KIAA0586: variants seen among roughly 807,000 people sequenced by gnomAD.
The protein encoded by KIAA0586 is protein TALPID3.
In KIAA0586, 144 loss-of-function variants were observed where a neutral mutation model predicts 169.8. The observed-to-expected ratio is 0.85, with a 90% CI of 0.74 to 0.97. KIAA0586 has a LOEUF of 0.97. KIAA0586 is among the 50% of genes least tolerant of loss of function. The pLI is 0.00. For missense variants in KIAA0586, 1,854 were observed against 1,823.0 expected, an observed-to-expected ratio of 1.02 and a Z score of -0.31; for synonymous variants, 625 against 612.4, an observed-to-expected ratio of 1.02 and a Z score of -0.30.
chr14:58,497,253 G>A (rs964692115), intron 26 of KIAA0586, among the ~76,000 whole-genome samples: 19 of 151,784 alleles, frequency 1.3e-4, no homozygotes, highest in African/African-American at 4.4e-4. Context: ...GATTACAGGC[G>A]TGACCCACCA....
chr14:58,546,779 C>A (rs143224453), intron 30 of KIAA0586, among the ~76,000 whole-genome samples: 79 of 152,250 alleles, frequency 5.2e-4, no homozygotes, highest in African/African-American at 1.8e-3. Context: ...CTGCCACCAG[C>A]CAGCTTTCAT....
chr14:58,530,890 T>G (rs1310518926), intron 29 of KIAA0586, among the ~76,000 whole-genome samples: 1 of 152,066 alleles, frequency 6.6e-6, no homozygotes, highest in Non-Finnish European at 1.5e-5. Flanking sequence ...GAAACTATCA[T>G]CAGATGAACA....
At chr14:58,516,138 T>C (rs1451651242) in intron 29 of KIAA0586, among the ~76,000 whole-genome samples, 1 of 152,172 alleles carries the variant, frequency 6.6e-6, no homozygotes, top group Non-Finnish European at 1.5e-5. Flanking sequence ...TATAGAACCA[T>C]TGGTAGTCAC....
At chr14:58,531,019 C>T (rs555497595) in intron 29 of KIAA0586, among the ~76,000 whole-genome samples, 22 of 151,910 alleles carry the variant, frequency 1.4e-4, no homozygotes, top group Non-Finnish European at 4.4e-5. Context: ...CATCAAAAAG[C>T]GGGCAAAGGG....
At chr14:58,560,005 G>A in the KIAA0586 span, among the ~76,000 whole-genome samples, 1 of 152,104 alleles carries the variant, frequency 6.6e-6, no homozygotes, top group African/African-American at 2.4e-5. Context: ...ACAAAAATTA[G>A]CTGAGCATGA....
downstream of KIAA0586, among the ~76,000 whole-genome samples, chr14:58,552,434 C>G (rs535588552): frequency 1.3e-5 from 2 of 152,186 alleles, no homozygotes; most frequent in East Asian, 3.9e-4. Flanking sequence ...CCTTATGAGG[C>G]CTGTAAATAT....
intron 28 of KIAA0586, among the ~76,000 whole-genome samples, chr14:58,511,030 A>T (rs1450791783): frequency 2.0e-5 from 3 of 152,170 alleles, no homozygotes. Flanking sequence ...ATTGATGGAT[A>T]TGTTTATTGT....
At chr14:58,525,266 G>T (rs1012667357) in intron 29 of KIAA0586, among the ~76,000 whole-genome samples, 2 of 151,884 alleles carry the variant, frequency 1.3e-5, no homozygotes, top group Non-Finnish European at 2.9e-5. Context: ...TAGGGGCCTG[G>T]GCAAGATGGC....
At chr14:58,483,410 A>G (rs1245401926) in intron 21 of KIAA0586, among the ~76,000 whole-genome samples, 1 of 152,208 alleles carries the variant, frequency 6.6e-6, no homozygotes, top group Non-Finnish European at 1.5e-5. Flanking sequence ...TCTTTACCTC[A>G]GAAGCATCAG....
chr14:58,485,430 C>T (rs2042376308), intron 21 of KIAA0586, among the ~76,000 whole-genome samples: 1 of 152,142 alleles, frequency 6.6e-6, no homozygotes, highest in African/African-American at 2.4e-5. Context: ...TTCCTACCTT[C>T]TGGTGGTAGT....
chr14:58,518,251 C>A (rs1013638512), intron 29 of KIAA0586, among the ~76,000 whole-genome samples: 8 of 152,066 alleles, frequency 5.3e-5, no homozygotes, highest in Non-Finnish European at 1.2e-4. Context: ...TACTGTATTA[C>A]ATTTATTTAC....
Position 58,470,595 on chromosome 14 carries a change from T to C in KIAA0586, c.2443-18T>C, listed in dbSNP as rs756495107. ...TAAAAATGATAAACAGAAAGCTGAA[T>C]GTTGTATTCTGTTTTAGGTATTACC... On this transcript the variant is annotated intron_variant, in intron 16 of 30. Transcript: ENST00000652326. The C allele has an allele frequency of 2.2e-6, 3 of 1,375,530 alleles. No individual in the cohort carries two copies. The highest frequency in any genetic ancestry group is 3.4e-5 in the Admixed American group (2 of 58,724). The allele number at this position is 1,375,530 out of a possible 1,614,324, so 85.2% of individuals were successfully genotyped here. A position where few individuals can be genotyped will look rare whatever the true frequency, so the allele number is the denominator to read the frequency against.
At chr14:58,541,986 G>A (rs753520853) in intron 30 of KIAA0586, among the ~76,000 whole-genome samples, 1 of 152,180 alleles carries the variant, frequency 6.6e-6, no homozygotes, top group Non-Finnish European at 1.5e-5. Flanking sequence ...AATAGAGGTA[G>A]AAGATTTATA....
At position 58,505,149 on chromosome 14, in the gene KIAA0586, G is replaced by A. The variant is rs143027689; in HGVS notation, c.4169-3406G>A. On this transcript the variant is annotated intron_variant, in intron 27 of 30. Coordinates refer to ENST00000652326, the MANE Select transcript of KIAA0586 (RefSeq NM_001329943.3). ...TTTTACCTCACACATATAATTATATGCACACATGCATGTACAATATATATG... is the reference window on the plus strand; with the variant it reads ...TTTTACCTCACACATATAATTATATACACACATGCATGTACAATATATATG... Among the ~76,000 whole-genome samples, 4 of 152,134 alleles carry A rather than the reference G, an allele frequency of 2.6e-5. No homozygotes were observed. In the East Asian group the frequency reaches 7.7e-4, roughly 29 times the overall value.
chr14:58,537,679 G>T (rs763389857), intron 29 of KIAA0586, among the ~76,000 whole-genome samples: 2 of 151,510 alleles, frequency 1.3e-5, no homozygotes, highest in South Asian at 4.2e-4. Flanking sequence ...ACGGAGACTC[G>T]CTCTGTCACC....
intron 30 of KIAA0586, among the ~76,000 whole-genome samples, chr14:58,544,336 A>T (rs1047187799): frequency 6.6e-6 from 1 of 152,120 alleles, no homozygotes; most frequent in Non-Finnish European, 1.5e-5. Context: ...ACATTTGCAT[A>T]TATGTGTCTT....
chr14:58,446,853 T>C (rs1308361338), intron 6 of KIAA0586, among the ~76,000 whole-genome samples: 1 of 152,112 alleles, frequency 6.6e-6, no homozygotes, highest in Non-Finnish European at 1.5e-5. Flanking sequence ...CTATAAACTA[T>C]TAGTTTATAG....
intron 26 of KIAA0586, among the ~76,000 whole-genome samples, chr14:58,493,819 TGAGAGAGAGAAAG>T (rs1439273080): frequency 1.3e-5 from 2 of 151,026 alleles, no homozygotes; most frequent in Non-Finnish European, 2.9e-5. Context: ...ACCATTAAGC[TGAGAGAGAGAAAG>T]GAGGGAGAGG....
At chr14:58,483,918 C>T (rs2042200493) in intron 21 of KIAA0586, among the ~76,000 whole-genome samples, 1 of 151,974 alleles carries the variant, frequency 6.6e-6, no homozygotes, top group Non-Finnish European at 1.5e-5. Flanking sequence ...GATTAGTGTG[C>T]CAAAGATTTG....
Sources: gnomAD v4.1 joint callset for allele counts (sites outside exome capture counted in the v4.1 genomes callset) on GRCh38, gnomAD v4.1.1 for gene constraint, MANE v1.5 for transcripts, NCBI Gene and HGNC (gene_info 2026-07-23, HGNC 2026-07-21) for gene names.